Variants in CRYZ observed in about 807,000 individuals in gnomAD.
CRYZ encodes zeta-crystallin.
A neutral mutation model predicts 34.1 loss-of-function variants in CRYZ; 35 were observed. The ratio of observed to expected loss-of-function variants is 1.03; its 90% CI spans 0.78 to 1.36. The LOEUF is 1.36. Among genes scored for constraint, CRYZ ranks in the 40% most tolerant of loss-of-function variants. The probability of loss-of-function intolerance (pLI) is 0.00; values close to 1 mark genes in which losing one functional copy is unlikely to be tolerated. For synonymous variants in CRYZ, 137 were observed against 136.5 expected (o/e 1.00, Z -0.03); for missense variants, 403 against 391.8 (o/e 1.03, Z -0.24).
chr1:74,725,673 C>G (rs1474911030), intron 1 of CRYZ, among the ~76,000 whole-genome samples: 1 of 152,116 alleles, frequency 6.6e-6, no homozygotes, highest in African/African-American at 2.4e-5. Flanking sequence ...CAACAGTCTC[C>G]CAAAATCTTA....
At chr1:74,720,445 A>G (rs548158557) in intron 3 of CRYZ, among the ~76,000 whole-genome samples, 1 of 152,326 alleles carries the variant, frequency 6.6e-6, no homozygotes, top group East Asian at 1.9e-4. Context: ...GCCAGGCATT[A>G]TTGGGCCAGT....
At chr1:74,729,134 G>GC (rs1647549240) in intron 1 of CRYZ, among the ~76,000 whole-genome samples, 1 of 143,984 alleles carries the variant, frequency 6.9e-6, no homozygotes, top group Non-Finnish European at 1.5e-5. Flanking sequence ...TTTTTGTTTT[G>GC]TTTTTTTTTT....
At chr1:74,727,372 T>C (rs1056446158) in intron 1 of CRYZ, among the ~76,000 whole-genome samples, 7 of 144,548 alleles carry the variant, frequency 4.8e-5, no homozygotes, top group African/African-American at 1.8e-4. Flanking sequence ...CAAGAGAGCA[T>C]GTGCAGAGGA....
At chr1:74,706,530 T>C (rs1646931781) in intron 8 of CRYZ, 73 bp from the exon 9 acceptor site, 7 of 1,360,870 alleles carry the variant, frequency 5.1e-6, no homozygotes, top group Non-Finnish European at 7.1e-6. Flanking sequence ...TTAAAAACAC[T>C]TCAGAATCTA....
chr1:74,727,066 C>G (rs1647381805), intron 1 of CRYZ, among the ~76,000 whole-genome samples: 1 of 151,830 alleles, frequency 6.6e-6, no homozygotes, highest in Non-Finnish European at 1.5e-5. Flanking sequence ...TTCAACAAGT[C>G]TCTAGGAAGT....
intron 8 of CRYZ, 93 bp downstream of exon 8, chr1:74,706,806 A>T: frequency 9.8e-7 from 1 of 1,015,832 alleles, no homozygotes. Flanking sequence ...TCATATAACT[A>T]AGTTTAACAT....
intron 4 of CRYZ, among the ~76,000 whole-genome samples, chr1:74,718,537 C>T (rs1388113923): frequency 6.6e-6 from 1 of 152,124 alleles, no homozygotes; most frequent in African/African-American, 2.4e-5. Flanking sequence ...TTCTTCGCTA[C>T]TCTTTCTCTT....
At chr1:74,711,216 C>T (rs543586285) in intron 5 of CRYZ, among the ~76,000 whole-genome samples, 74 of 152,084 alleles carry the variant, frequency 4.9e-4, no homozygotes, top group Non-Finnish European at 9.6e-4. Context: ...TAGAGGCTTC[C>T]GAGTATATTA....
In CRYZ at chr1:74,724,721, TTTGGAA is replaced by T; in HGVS notation, c.95_100del (p.Ile32_Pro33del). ...TAATTTTATTTCTACCTGATGGTCT[TTTGGAA>T]TCGGTACTGCAATATCTGATCGCAA... On this transcript the variant is annotated inframe_deletion, in exon 2 of 9. Transcript: ENST00000340866. 6.2e-7 allele frequency: 1 copy of T among 1,604,738 alleles called. No homozygotes were observed. Among genetic ancestry groups the T allele is most frequent in the Non-Finnish European group, 8.5e-7 (1 of 1,173,914 alleles).
rs760423890 is a variant in CRYZ, at chr1:74,714,564, A to T, written c.480+15T>A. 1.3e-6 allele frequency: 2 copies of T among 1,592,026 alleles called. No homozygotes were observed. Among genetic ancestry groups the T allele is most frequent in the South Asian group, 1.1e-5 (1 of 90,164 alleles). On this transcript the variant is annotated intron_variant, in intron 5 of 8. Coordinates refer to ENST00000340866, the MANE Select transcript of CRYZ (RefSeq NM_001889.4). The stretch of plus-strand genomic sequence containing the variant: ...ACCCAAGCTTGTTTCAAAATACATT[A>T]AAAAAAATACTTACTCCTCCACTTG...
chr1:74,713,538 T>A (rs1647031782), intron 5 of CRYZ, among the ~76,000 whole-genome samples: 2 of 152,188 alleles, frequency 1.3e-5, no homozygotes. Context: ...ATCTGTGAAA[T>A]CCTTTAGAAT....
intron 4 of CRYZ, 70 bp downstream of exon 4, chr1:74,719,139 G>C: frequency 6.8e-7 from 1 of 1,477,586 alleles, no homozygotes; most frequent in East Asian, 2.3e-5. Context: ...TGGACAGACA[G>C]CTAGAAGGCA....
intron 4 of CRYZ, 82 bp downstream of exon 4, chr1:74,719,127 G>A: frequency 7.2e-7 from 1 of 1,387,382 alleles, no homozygotes; most frequent in Non-Finnish European, 1.0e-6. Context: ...TGAACAGATG[G>A]ATGGACAGAC....
At chr1:74,715,436 C>A (rs1647058256) in intron 4 of CRYZ, among the ~76,000 whole-genome samples, 1 of 152,156 alleles carries the variant, frequency 6.6e-6, no homozygotes, top group South Asian at 2.1e-4. Flanking sequence ...TCTCTTACTT[C>A]CTCAAACAAT....
intron 3 of CRYZ, among the ~76,000 whole-genome samples, chr1:74,721,147 T>G (rs1371613888): frequency 6.6e-6 from 1 of 152,160 alleles, no homozygotes; most frequent in Non-Finnish European, 1.5e-5. Context: ...TTATTACCAA[T>G]GAGTAAGCAG....
At position 74,710,276 on chromosome 1, in the gene CRYZ, T is replaced by C. The variant is rs775339476; in HGVS notation, c.481-29A>G. The C allele has an allele frequency of 1.6e-5, 25 of 1,610,684 alleles. No individual in the cohort carries two copies. In the Middle Eastern group the frequency reaches 6.6e-4, roughly 43 times the overall value. ...AAAAACAAATATAACCCAAGAGTTA[T>C]ATATTCTCTACACTCCTGTAAACAC... On this transcript the variant is annotated intron_variant, in intron 5 of 8. Coordinates refer to ENST00000340866, the MANE Select transcript of CRYZ (RefSeq NM_001889.4).
At chr1:74,729,559 T>C (rs1465483) in intron 1 of CRYZ, among the ~76,000 whole-genome samples, 96,082 of 148,522 alleles carry the variant, frequency 0.65, 31,658 homozygotes, top group East Asian at 0.78. Context: ...GTGGGAGGAT[T>C]GCTTGAGCCC....
intron 5 of CRYZ, among the ~76,000 whole-genome samples, chr1:74,710,872 A>C (rs1000633174): frequency 1.3e-5 from 2 of 152,248 alleles, no homozygotes; most frequent in Non-Finnish European, 2.9e-5. Flanking sequence ...ATATGAATGA[A>C]TAAAATAAAT....
At chr1:74,714,335 A>C (rs1647042605) in intron 5 of CRYZ, among the ~76,000 whole-genome samples, 1 of 152,080 alleles carries the variant, frequency 6.6e-6, no homozygotes, top group Non-Finnish European at 1.5e-5. Context: ...GTCTACACCC[A>C]ATACAGGTGG....
Sources: allele counts gnomAD v4.1 joint callset (sites outside exome capture counted in the v4.1 genomes callset), GRCh38; gene constraint gnomAD v4.1.1; transcripts MANE v1.5; gene names NCBI Gene and HGNC (gene_info 2026-07-23, HGNC 2026-07-21).